The following SDK2 variants were observed in gnomAD, a reference collection of about 807,000 sequenced individuals.
SDK2 encodes sidekick cell adhesion molecule 2, also known as protein sidekick-2.
SDK2 carries 105 observed loss-of-function variants against 253.9 expected under a neutral mutation model. The ratio of observed to expected loss-of-function variants is 0.41; its 90% CI spans 0.35 to 0.49. The LOEUF is 0.49. Among genes scored for constraint, SDK2 ranks in the 20% least tolerant of loss-of-function variants. The pLI is 0.06. For synonymous variants in SDK2, 1,249 were observed against 1,234.9 expected, an observed-to-expected ratio of 1.01 and a Z score of -0.24; for missense variants, 2,608 against 3,003.0, an observed-to-expected ratio of 0.87 and a Z score of 3.07.
chr17:73,406,188 A>G (rs1266227411), intron 18 of SDK2, among the ~76,000 whole-genome samples: 1 of 151,564 alleles, frequency 6.6e-6, no homozygotes, highest in Non-Finnish European at 1.5e-5. Flanking sequence ...TCAGAACCTT[A>G]TGAGATTGGC....
chr17:73,380,071 A>G (rs1011924641), intron 34 of SDK2, among the ~76,000 whole-genome samples: 30 of 152,312 alleles, frequency 2.0e-4, no homozygotes, highest in African/African-American at 7.2e-4. Context: ...AATGCCTGGC[A>G]GAACTTGGGA....
intron 1 of SDK2, among the ~76,000 whole-genome samples, chr17:73,561,719 A>T (rs886537455): frequency 6.6e-6 from 1 of 152,342 alleles, no homozygotes; most frequent in African/African-American, 2.4e-5. Context: ...CCTCCCCTGA[A>T]TTGAGTCTCT....
At chr17:73,486,976 C>T (rs1391652665) in intron 2 of SDK2, among the ~76,000 whole-genome samples, 1 of 152,174 alleles carries the variant, frequency 6.6e-6, no homozygotes, top group African/African-American at 2.4e-5. Context: ...CTCTGTCGCC[C>T]AGGCTGGAGT....
At chr17:73,483,068 C>T (rs900944032) in intron 2 of SDK2, among the ~76,000 whole-genome samples, 6 of 152,056 alleles carry the variant, frequency 3.9e-5, no homozygotes, top group South Asian at 4.1e-4. Context: ...TGACCCCATC[C>T]GTGCTCCTGC....
rs372266910 is a variant in SDK2, at chr17:73,366,876, C to T, written c.5168-1481G>A. Among the ~76,000 whole-genome samples, 10 of 152,302 alleles carry T rather than the reference C, an allele frequency of 6.6e-5. No individual in the cohort carries two copies. The South Asian group carries it at 2.1e-3, about 32-fold the overall frequency. On this transcript the variant is annotated intron_variant, in intron 37 of 44. Transcript: ENST00000392650. ...CCCTTCAGCCTCCCGATCTCCCCTC[C>T]CTGCCTCTACTCTCTCCCCTCCACC...
intron 1 of SDK2, among the ~76,000 whole-genome samples, chr17:73,575,456 G>A (rs1007995519): frequency 6.6e-6 from 1 of 152,192 alleles, no homozygotes; most frequent in African/African-American, 2.4e-5. Context: ...GTGAAAAGTG[G>A]CATAGCAATG....
chr17:73,451,764 C>T (rs1033194735), intron 4 of SDK2, among the ~76,000 whole-genome samples: 7 of 152,166 alleles, frequency 4.6e-5, no homozygotes, highest in African/African-American at 1.7e-4. Flanking sequence ...CCAGAATGTC[C>T]ATCTCGTTGA....
intron 1 of SDK2, among the ~76,000 whole-genome samples, chr17:73,590,717 G>A (rs2045669786): frequency 6.6e-6 from 1 of 152,180 alleles, no homozygotes; most frequent in Non-Finnish European, 1.5e-5. Flanking sequence ...GGCTGTGCAT[G>A]GAATTGAGGC....
chr17:73,483,609 ATATATGTATATATATG>A (rs1295506597), intron 2 of SDK2, among the ~76,000 whole-genome samples: 1 of 135,138 alleles, frequency 7.4e-6, no homozygotes, highest in East Asian at 2.0e-4. Flanking sequence ...GTATGTGTAT[ATATATGTATATATATG>A]TATATGTATA....
At chr17:73,507,161 C>T (rs2063942348) in intron 2 of SDK2, among the ~76,000 whole-genome samples, 1 of 152,248 alleles carries the variant, frequency 6.6e-6, no homozygotes, top group South Asian at 2.1e-4. Context: ...AGTCCCTGTG[C>T]CCAACACCAC....
intron 1 of SDK2, among the ~76,000 whole-genome samples, chr17:73,552,391 C>A (rs1452771001): frequency 6.6e-6 from 1 of 152,164 alleles, no homozygotes; most frequent in Non-Finnish European, 1.5e-5. Context: ...TGAGATAGAA[C>A]CCCCTCATGT....
At chr17:73,434,295 G>A (rs757894187) in intron 9 of SDK2, among the ~76,000 whole-genome samples, 3 of 152,256 alleles carry the variant, frequency 2.0e-5, no homozygotes, top group South Asian at 2.1e-4. Context: ...AGCTCCATTC[G>A]GCCATGGCCA....
chr17:73,415,499 C>G (rs2063172880), intron 17 of SDK2, among the ~76,000 whole-genome samples: 1 of 151,948 alleles, frequency 6.6e-6, no homozygotes, highest in African/African-American at 2.4e-5. Flanking sequence ...GCATGTACCA[C>G]CACACCAAGC....
chr17:73,540,611 T>G (rs2044853765), intron 1 of SDK2, among the ~76,000 whole-genome samples: 3 of 152,222 alleles, frequency 2.0e-5, no homozygotes. Context: ...TGCTCCCACT[T>G]AAGCAAAACA....
intron 1 of SDK2, among the ~76,000 whole-genome samples, chr17:73,576,489 G>A (rs1034570909): frequency 3.9e-5 from 6 of 152,288 alleles, no homozygotes; most frequent in Admixed American, 3.9e-4. Flanking sequence ...AGAGGAAAGG[G>A]CTTTGAGGGA....
chr17:73,375,874 A>ATAAAATAAAAT (rs758199263), intron 36 of SDK2, among the ~76,000 whole-genome samples: 2 of 151,316 alleles, frequency 1.3e-5, no homozygotes, highest in East Asian at 2.0e-4. Flanking sequence ...AAAGAAAGAA[A>ATAAAATAAAAT]GAAATAAAAT....
chr17:73,414,993 G>A (rs1053511357), intron 17 of SDK2, among the ~76,000 whole-genome samples: 6 of 152,172 alleles, frequency 3.9e-5, no homozygotes, highest in African/African-American at 1.4e-4. Context: ...TAAATAAGAG[G>A]GGTGCGGATG....
intron 1 of SDK2, among the ~76,000 whole-genome samples, chr17:73,590,167 G>A (rs1317934806): frequency 1.3e-5 from 2 of 152,236 alleles, no homozygotes; most frequent in Non-Finnish European, 2.9e-5. Context: ...GACGAAAGAA[G>A]ACATTTAGCA....
At chr17:73,550,644 G>A (rs2045040502) in intron 1 of SDK2, among the ~76,000 whole-genome samples, 1 of 152,216 alleles carries the variant, frequency 6.6e-6, no homozygotes, top group Non-Finnish European at 1.5e-5. Flanking sequence ...ATGTTAAGGA[G>A]GCTGGCATGG....
Sources: gnomAD v4.1 joint callset for allele counts (sites outside exome capture counted in the v4.1 genomes callset) on GRCh38, gnomAD v4.1.1 for gene constraint, MANE v1.5 for transcripts, NCBI Gene and HGNC (gene_info 2026-07-23, HGNC 2026-07-21) for gene names.